RBMS3: variants seen among roughly 807,000 people sequenced by gnomAD.
RBMS3 encodes RNA-binding motif, single-stranded-interacting protein 3.
A neutral mutation model predicts 66.8 loss-of-function variants in RBMS3; 27 were observed. The ratio of observed to expected loss-of-function variants is 0.40; its 90% confidence interval spans 0.30 to 0.56. RBMS3 has a LOEUF of 0.56. Among genes scored for constraint, RBMS3 ranks in the 20% least tolerant of loss-of-function variants. The pLI is 0.40. For missense variants in RBMS3, 513 were observed against 549.5 expected (o/e 0.93, Z 0.66); for synonymous variants, 188 against 183.0 (o/e 1.03, Z -0.22).
chr3:29,455,062 G>T (rs1394122109), intron 2 of RBMS3, among the ~76,000 whole-genome samples: 1 of 152,064 alleles, frequency 6.6e-6, no homozygotes, highest in Non-Finnish European at 1.5e-5. Flanking sequence ...CTATCTATCT[G>T]TTGAACACTC....
intron 14 of RBMS3, among the ~76,000 whole-genome samples, chr3:29,999,033 C>T (rs1699438365): frequency 6.6e-6 from 1 of 152,020 alleles, no homozygotes; most frequent in South Asian, 2.1e-4. Flanking sequence ...TGACAAAGGG[C>T]TAATATCCAG....
At chr3:29,956,787 C>T (rs888655780) in intron 12 of RBMS3, among the ~76,000 whole-genome samples, 39 of 152,106 alleles carry the variant, frequency 2.6e-4, no homozygotes, top group African/African-American at 8.7e-4. Flanking sequence ...CCCAGAGCCA[C>T]GTTTCTGAAA....
In RBMS3 at chr3:29,576,073, G is replaced by T. The variant is rs527329397; in HGVS notation, c.308-11041G>T. On this transcript the variant is annotated intron_variant, in intron 3 of 14. Coordinates refer to ENST00000383767, the MANE Select transcript of RBMS3 (RefSeq NM_001003793.3). ...ATTTTGATGCTTGTAGGTGTTCATA[G>T]GTGTCTGGACATTGAAGAGTTAGGT... is the stretch of plus-strand genomic sequence containing the variant. Among the ~76,000 whole-genome samples the T allele has an allele frequency of 2.2e-4, 33 of 152,190 alleles. No individual in the cohort carries two copies. The South Asian group carries it at 6.6e-3, about 31-fold the overall frequency.
chr3:29,589,183 G>GCATTCTGCTGCACTGAGA (rs1275265002), intron 4 of RBMS3, among the ~76,000 whole-genome samples: 1 of 152,052 alleles, frequency 6.6e-6, no homozygotes, highest in Non-Finnish European at 1.5e-5. Flanking sequence ...CAGTTTCCCA[G>GCATTCTGCTGCACTGAGA]CATTCTGCTG....
At chr3:29,918,834 T>TGG in intron 10 of RBMS3, among the ~76,000 whole-genome samples, 1 of 152,076 alleles carries the variant, frequency 6.6e-6, no homozygotes, top group Non-Finnish European at 1.5e-5. Context: ...GAGACTTTTT[T>TGG]TCAAAACCCT....
intron 6 of RBMS3, among the ~76,000 whole-genome samples, chr3:29,833,978 C>T (rs2058439501): frequency 6.6e-6 from 1 of 152,062 alleles, no homozygotes; most frequent in Admixed American, 6.6e-5. Flanking sequence ...ATTAGACTAT[C>T]AGACAAGAAA....
intron 2 of RBMS3, among the ~76,000 whole-genome samples, chr3:29,458,137 A>T (rs1395196378): frequency 5.3e-5 from 8 of 151,864 alleles, no homozygotes; most frequent in Non-Finnish European, 1.2e-4. Flanking sequence ...TAAATTATTG[A>T]CTCCCTTCCA....
intron 4 of RBMS3, among the ~76,000 whole-genome samples, chr3:29,679,333 C>T (rs992943714): frequency 9.2e-5 from 14 of 152,002 alleles, no homozygotes; most frequent in South Asian, 6.2e-4. Flanking sequence ...TTGCATTATC[C>T]GTCGATTTTT....
rs148339634 is a variant in RBMS3, at chr3:29,847,645, A to T, written c.638-21213A>T. On this transcript the variant is annotated intron_variant, in intron 6 of 14. Coordinates refer to ENST00000383767, the MANE Select transcript of RBMS3 (RefSeq NM_001003793.3). ...CTGGGCCACTCCAATTTTGTGTTTT[A>T]TTTTTTTTTTTTTATTTTTTATTTT... Among the ~76,000 whole-genome samples the T allele has an allele frequency of 2.9e-3, 420 of 143,620 alleles. 3 individuals carry two copies. Among genetic ancestry groups the T allele is most frequent in the East Asian group, 0.023 (113 of 4,820 alleles). The allele number at this position is 143,620 out of a possible 152,430, so 94.2% of individuals were successfully genotyped here.
chr3:29,964,370 T>G (rs1696686166), intron 12 of RBMS3, among the ~76,000 whole-genome samples: 1 of 152,132 alleles, frequency 6.6e-6, no homozygotes, highest in Non-Finnish European at 1.5e-5. Flanking sequence ...GGTAAGAAAG[T>G]AGAGTGGTAT....
intron 4 of RBMS3, among the ~76,000 whole-genome samples, chr3:29,596,124 C>A (rs755532706): frequency 7.2e-5 from 11 of 152,196 alleles, no homozygotes; most frequent in Non-Finnish European, 1.2e-4. Flanking sequence ...CTGGACCCAA[C>A]TATGTAACCA....
chr3:29,840,098 C>CTTTTCT (rs2058624901), intron 6 of RBMS3, among the ~76,000 whole-genome samples: 2 of 151,806 alleles, frequency 1.3e-5, no homozygotes, highest in Non-Finnish European at 2.9e-5. Flanking sequence ...TAATATGAAA[C>CTTTTCT]TGTAAGGAAA....
chr3:29,337,419 G>T (rs962884789), intron 1 of RBMS3, among the ~76,000 whole-genome samples: 10 of 151,994 alleles, frequency 6.6e-5, no homozygotes. Flanking sequence ...TGGGAGGATT[G>T]CTTGAGGCCA....
At chr3:29,654,274 A>T (rs1212135737) in intron 4 of RBMS3, among the ~76,000 whole-genome samples, 2 of 152,170 alleles carry the variant, frequency 1.3e-5, no homozygotes, top group Non-Finnish European at 2.9e-5. Flanking sequence ...TTGGTGATGA[A>T]AGAATCTAGA....
intron 12 of RBMS3, among the ~76,000 whole-genome samples, chr3:29,986,312 G>A (rs189237342): frequency 1.3e-5 from 2 of 152,268 alleles, no homozygotes; most frequent in Admixed American, 1.3e-4. Context: ...ATTTCTTAGA[G>A]TAGTAGTTTT....
At chr3:29,903,606 C>T (rs957110400) in intron 10 of RBMS3, among the ~76,000 whole-genome samples, 3 of 151,944 alleles carry the variant, frequency 2.0e-5, no homozygotes, top group African/African-American at 7.2e-5. Flanking sequence ...TCTGTTATTA[C>T]TGACAAGGAG....
intron 3 of RBMS3, among the ~76,000 whole-genome samples, chr3:29,529,337 T>C (rs1023639979): frequency 1.3e-5 from 2 of 152,092 alleles, no homozygotes; most frequent in Non-Finnish European, 2.9e-5. Context: ...ATCATGAACG[T>C]AGTTTATGGC....
At chr3:29,340,139 C>G (rs574796963) in intron 1 of RBMS3, among the ~76,000 whole-genome samples, 1 of 152,126 alleles carries the variant, frequency 6.6e-6, no homozygotes, top group Non-Finnish European at 1.5e-5. Flanking sequence ...GTTTGTCTGT[C>G]TTCTCCCAGG....
intron 4 of RBMS3, among the ~76,000 whole-genome samples, chr3:29,628,256 A>G (rs1351389737): frequency 1.3e-5 from 2 of 152,166 alleles, no homozygotes; most frequent in East Asian, 3.9e-4. Flanking sequence ...TTGTGTAAAC[A>G]ACAATTTAAA....
Sources: gnomAD v4.1 joint callset for allele counts (sites outside exome capture counted in the v4.1 genomes callset) on GRCh38, gnomAD v4.1.1 for gene constraint, MANE v1.5 for transcripts, NCBI Gene and HGNC (gene_info 2026-07-23, HGNC 2026-07-21) for gene names.